Variants in SNX7 observed in about 807,000 individuals in gnomAD.
The protein encoded by SNX7 is sorting nexin 7, also known as sorting nexin-7.
A neutral mutation model predicts 48.4 loss-of-function variants in SNX7; 35 were observed. The observed-to-expected ratio is 0.72, with a 90% CI of 0.55 to 0.96. The LOEUF (loss-of-function observed/expected upper bound fraction) is 0.96, where lower values mean the gene tolerates loss of function less well. Among genes scored for constraint, SNX7 ranks in the 40% least tolerant of loss-of-function variants. SNX7 has a pLI of 0.00. For missense variants in SNX7, 553 were observed against 548.9 expected (o/e 1.01, Z -0.07); for synonymous variants, 190 against 190.2 (o/e 1.00, Z 0.01).
intron 1 of SNX7, among the ~76,000 whole-genome samples, chr1:98,681,728 T>C (rs1355011411): frequency 2.0e-5 from 3 of 152,180 alleles, no homozygotes; most frequent in Non-Finnish European, 4.4e-5. Flanking sequence ...AGTTCTGTAC[T>C]AGAGGGGAAG....
intron 1 of SNX7, among the ~76,000 whole-genome samples, chr1:98,672,525 G>A (rs1649925299): frequency 6.6e-6 from 1 of 150,650 alleles, no homozygotes; most frequent in Non-Finnish European, 1.5e-5. Flanking sequence ...ATGGTTTTGT[G>A]GCAAAGTTAT....
chr1:98,675,857 GAAA>G (rs1650131696), intron 1 of SNX7, among the ~76,000 whole-genome samples: 1 of 151,978 alleles, frequency 6.6e-6, no homozygotes, highest in African/African-American at 2.4e-5. Context: ...ACCTTGTTAA[GAAA>G]AAAATCAAAT....
chr1:98,692,011 T>C (rs1472708825), intron 4 of SNX7, among the ~76,000 whole-genome samples: 1 of 150,676 alleles, frequency 6.6e-6, no homozygotes, highest in Admixed American at 6.6e-5. Flanking sequence ...TAGCAAATAC[T>C]GAACAGGTAT....
In SNX7 at chr1:98,661,810, G is replaced by A. The variant is rs1308347863; in HGVS notation, c.79G>A (p.Gly27Ser). The A allele has an allele frequency of 8.0e-7, 1 of 1,245,498 alleles. No individual in the cohort carries two copies. Among genetic ancestry groups the A allele is most frequent in the Non-Finnish European group, 1.0e-6 (1 of 987,226 alleles). The allele number at this position is 1,245,498 out of a possible 1,614,324, so 77.2% of individuals were successfully genotyped here. A position where few individuals can be genotyped will look rare whatever the true frequency, so the allele number is the denominator to read the frequency against. ...AGGANGESPG[G>S]GAPFPGSSGS... The stretch of plus-strand genomic sequence containing the variant: ...GGGCGCCAACGGGGAGAGCCCGGGG[G>A]GCGGCGCCCCCTTTCCGGGCAGCAG... The change falls in exon 1 of 9, where the codon GGC becomes AGC. Residue 27 changes from glycine to serine, a missense_variant. Physicochemically the swap from Gly to Ser is moderately conservative, Grantham distance 56 (BLOSUM62 0). Coordinates refer to ENST00000306121, the MANE Select transcript of SNX7 (RefSeq NM_015976.5).
rs1159348624 is a variant in SNX7 at position 98,701,876 on chromosome 1, G to A, written c.1098G>A (p.Leu366=). ...QAELDSKVEV[L]TYKKADTDLL... is the part of the protein sequence containing the mutation. ...AACTGGATTCCAAAGTTGAAGTTTT[G>A]ACCTATAAAAAGGCAGATACTGATC... Residue 366 remains leucine (L), a synonymous_variant, in exon 7 of 9, where the codon TTG becomes TTA. Coordinates refer to ENST00000306121, the MANE Select transcript of SNX7 (RefSeq NM_015976.5). The A allele has an allele frequency of 6.2e-7, 1 of 1,610,932 alleles. No individual in the cohort carries two copies. Among genetic ancestry groups the A allele is most frequent in the Non-Finnish European group, 8.5e-7 (1 of 1,178,390 alleles).
At chr1:98,752,639 A>T (rs1654644674) in intron 8 of SNX7, among the ~76,000 whole-genome samples, 1 of 152,080 alleles carries the variant, frequency 6.6e-6, no homozygotes, top group Non-Finnish European at 1.5e-5. Flanking sequence ...CAGTTTTCTG[A>T]TGGCCAGCAT....
intron 2 of SNX7, among the ~76,000 whole-genome samples, chr1:98,687,895 A>G (rs924617073): frequency 2.0e-5 from 3 of 152,244 alleles, no homozygotes; most frequent in African/African-American, 7.2e-5. Flanking sequence ...AAACCATCAG[A>G]TATCATGAGC....
At chr1:98,757,641 TC>T (rs937801093) in intron 8 of SNX7, among the ~76,000 whole-genome samples, 4 of 152,006 alleles carry the variant, frequency 2.6e-5, no homozygotes, top group African/African-American at 9.7e-5. Flanking sequence ...AGCTTACTCT[TC>T]CCCACCCCAC....
At chr1:98,678,890 G>A (rs1650321247) in intron 1 of SNX7, among the ~76,000 whole-genome samples, 1 of 152,042 alleles carries the variant, frequency 6.6e-6, no homozygotes, top group South Asian at 2.1e-4. Context: ...AAAAATAGCA[G>A]TATACATATA....
intron 7 of SNX7, among the ~76,000 whole-genome samples, chr1:98,717,202 A>G (rs936124756): frequency 6.6e-6 from 1 of 152,190 alleles, no homozygotes; most frequent in African/African-American, 2.4e-5. Flanking sequence ...AATAATAGCT[A>G]ACATTTCTTG....
At chr1:98,685,680 C>G (rs1025435755) in intron 2 of SNX7, among the ~76,000 whole-genome samples, 1 of 152,028 alleles carries the variant, frequency 6.6e-6, no homozygotes, top group South Asian at 2.1e-4. Context: ...AAATAATTCT[C>G]TTTATAATAT....
chr1:98,666,962 CT>C (rs1453274592), intron 1 of SNX7, among the ~76,000 whole-genome samples: 1 of 152,186 alleles, frequency 6.6e-6, no homozygotes, highest in African/African-American at 2.4e-5. Context: ...AAGTGGCAGG[CT>C]TTCATGTGAA....
intron 1 of SNX7, among the ~76,000 whole-genome samples, chr1:98,681,085 G>C (rs543505366): frequency 6.6e-6 from 1 of 152,146 alleles, no homozygotes; most frequent in African/African-American, 2.4e-5. Context: ...ACGTGGCTGG[G>C]GAAGCATCAC....
At position 98,743,566 on chromosome 1, in the gene SNX7, A is replaced by C. The variant is rs573904722; in HGVS notation, c.1278+5177A>C. Among the ~76,000 whole-genome samples, 143 of 152,200 alleles carry C rather than the reference A, an allele frequency of 9.4e-4. 1 individual carries two copies. Among genetic ancestry groups the C allele is most frequent in the African/African-American group, 3.2e-3 (131 of 41,570 alleles). ...TCTAGCCAGATGAACAGTACTACTA[A>C]TGTTTTCTTAAAATCCAAGTCTAGT... On this transcript the variant is annotated intron_variant, in intron 8 of 8. Transcript: ENST00000306121.
At chr1:98,665,185 C>T (rs1052485750) in intron 1 of SNX7, among the ~76,000 whole-genome samples, 3 of 152,080 alleles carry the variant, frequency 2.0e-5, no homozygotes, top group Admixed American at 6.5e-5. Context: ...TAAAGATATT[C>T]GGGATCATAA....
chr1:98,668,902 A>G (rs181449997), intron 1 of SNX7, among the ~76,000 whole-genome samples: 42 of 152,326 alleles, frequency 2.8e-4, no homozygotes, highest in African/African-American at 9.9e-4. Context: ...GTTCTGGTAC[A>G]AGCTGGATGA....
chr1:98,673,214 T>A (rs957318522), intron 1 of SNX7, among the ~76,000 whole-genome samples: 6 of 152,246 alleles, frequency 3.9e-5, no homozygotes, highest in Non-Finnish European at 7.3e-5. Context: ...TGAGCTTTGC[T>A]GGTCATTCCT....
chr1:98,740,643 AT>A (rs1055703677), intron 8 of SNX7, among the ~76,000 whole-genome samples: 3 of 151,806 alleles, frequency 2.0e-5, no homozygotes, highest in African/African-American at 7.3e-5. Flanking sequence ...ATAAAAATGT[AT>A]TTTTTTTCAG....
intron 1 of SNX7, among the ~76,000 whole-genome samples, chr1:98,664,395 G>T (rs969247384): frequency 6.6e-6 from 1 of 152,112 alleles, no homozygotes; most frequent in Non-Finnish European, 1.5e-5. Flanking sequence ...GGGTGTGGTG[G>T]TGGGAGCCTT....
Sources: gnomAD v4.1 joint callset for allele counts (sites outside exome capture counted in the v4.1 genomes callset) on GRCh38, gnomAD v4.1.1 for gene constraint, MANE v1.5 for transcripts, NCBI Gene and HGNC (gene_info 2026-07-23, HGNC 2026-07-21) for gene names.